Variants in EXOC6 observed in about 807,000 individuals in gnomAD.
The protein encoded by EXOC6 is SEC15-like 1.
EXOC6 carries 60 observed loss-of-function variants against 112.5 expected under a neutral mutation model. The observed-to-expected ratio is 0.53, with a 90% CI of 0.43 to 0.66. The LOEUF is 0.66. Ranked by LOEUF, EXOC6 falls within the 30% of genes least tolerant of loss-of-function variation. The pLI, the probability that EXOC6 is intolerant of heterozygous loss-of-function variation, is 0.00. For synonymous variants in EXOC6, 295 were observed against 308.0 expected (o/e 0.96, Z 0.44); for missense variants, 855 against 957.1 (o/e 0.89, Z 1.41).
At chr10:92,931,623 G>A (rs1230051076) in intron 9 of EXOC6, among the ~76,000 whole-genome samples, 4 of 150,608 alleles carry the variant, frequency 2.7e-5, no homozygotes, top group Non-Finnish European at 3.0e-5. Flanking sequence ...ATGGAGAATG[G>A]ACAAAAGATT....
intron 1 of EXOC6, among the ~76,000 whole-genome samples, chr10:92,869,949 C>CTTTTT (rs34082304): frequency 2.0e-5 from 2 of 100,014 alleles, no homozygotes; most frequent in African/African-American, 3.8e-5. Context: ...GGCTTGTGGG[C>CTTTTT]TTTTTTTTTT....
At chr10:92,930,999 C>A (rs1369535436) in intron 9 of EXOC6, among the ~76,000 whole-genome samples, 2 of 151,142 alleles carry the variant, frequency 1.3e-5, no homozygotes, top group Non-Finnish European at 2.9e-5. Context: ...GTAGTCCCAG[C>A]TACTAGGGAG....
At chr10:92,904,342 G>A (rs1188208710) in intron 5 of EXOC6, among the ~76,000 whole-genome samples, 1 of 152,002 alleles carries the variant, frequency 6.6e-6, no homozygotes, top group Non-Finnish European at 1.5e-5. Flanking sequence ...GGATCATATG[G>A]TAAGACTATG....
intron 1 of EXOC6, among the ~76,000 whole-genome samples, chr10:92,862,495 C>T (rs1321370360): frequency 6.6e-6 from 1 of 152,120 alleles, no homozygotes; most frequent in Non-Finnish European, 1.5e-5. Flanking sequence ...CTTGCCCCTT[C>T]CACCATGTGA....
At chr10:92,940,502 A>C (rs1161206237) in intron 12 of EXOC6, among the ~76,000 whole-genome samples, 1 of 152,168 alleles carries the variant, frequency 6.6e-6, no homozygotes, top group Non-Finnish European at 1.5e-5. Flanking sequence ...AAGAGAGAGA[A>C]GAAATGGAAA....
At chr10:92,875,884 AT>A (rs1408816653) in intron 1 of EXOC6, among the ~76,000 whole-genome samples, 1 of 152,036 alleles carries the variant, frequency 6.6e-6, no homozygotes, top group Non-Finnish European at 1.5e-5. Context: ...TAAAAATACA[AT>A]TTTTTGATTA....
At chr10:93,057,131 G>GA (rs1456860543) in intron 21 of EXOC6, 95 bp downstream of exon 21, 1 of 656,500 alleles carries the variant, frequency 1.5e-6, no homozygotes, top group East Asian at 3.0e-5. Context: ...AAAAAGAAAA[G>GA]TCTAGATGGA....
intron 19 of EXOC6, among the ~76,000 whole-genome samples, chr10:92,999,980 A>G (rs1473712694): frequency 1.3e-5 from 2 of 152,220 alleles, no homozygotes; most frequent in African/African-American, 4.8e-5. Flanking sequence ...CTGGGATTAC[A>G]GGCATGAACC....
intron 5 of EXOC6, among the ~76,000 whole-genome samples, chr10:92,907,812 A>G (rs1021835150): frequency 2.6e-5 from 4 of 152,138 alleles, no homozygotes; most frequent in African/African-American, 9.7e-5. Context: ...TATCTCAGGT[A>G]TTATCAAAAT....
intron 6 of EXOC6, among the ~76,000 whole-genome samples, chr10:92,914,713 G>T (rs1850987431): frequency 6.6e-6 from 1 of 152,152 alleles, no homozygotes; most frequent in African/African-American, 2.4e-5. Context: ...ACTGCAACTT[G>T]CATGGTCTGA....
intron 1 of EXOC6, among the ~76,000 whole-genome samples, chr10:92,877,533 A>G (rs1031841059): frequency 3.9e-5 from 6 of 152,188 alleles, no homozygotes; most frequent in Non-Finnish European, 7.3e-5. Flanking sequence ...AAGCACTAAT[A>G]CAGATGGAAA....
At chr10:92,907,484 G>A (rs1277804248) in intron 5 of EXOC6, among the ~76,000 whole-genome samples, 4 of 152,136 alleles carry the variant, frequency 2.6e-5, no homozygotes, top group Admixed American at 2.0e-4. Flanking sequence ...AGAGATGAGC[G>A]GCATGAAGGG....
chr10:93,059,236 C>T lies in EXOC6; in HGVS notation c.*881C>T, dbSNP rs1443501490. On this transcript the variant is annotated 3_prime_UTR_variant, in exon 22 of 22. Coordinates refer to ENST00000260762, the MANE Select transcript of EXOC6 (RefSeq NM_019053.6). ...CTTTATCCTCATTGTGGAAACAAGC[C>T]AAACCAAATGAACTCTGGAAAACCT... 1 of 152,140 alleles carries T rather than the reference C, an allele frequency of 6.6e-6. No individual in the cohort carries two copies. The highest frequency in any genetic ancestry group is 2.4e-5 in the African/African-American group (1 of 41,424). 9.4% of individuals were successfully genotyped at this position (152,140 alleles called of 1,614,324 possible).
intron 18 of EXOC6, among the ~76,000 whole-genome samples, chr10:92,976,044 G>C (rs1446092069): frequency 1.9e-5 from 1 of 52,814 alleles, no homozygotes; most frequent in Non-Finnish European, 3.2e-5. Context: ...CGGGAGGGAG[G>C]TGGGGGGGGG....
intron 1 of EXOC6, among the ~76,000 whole-genome samples, chr10:92,853,864 T>G (rs1847467458): frequency 1.3e-5 from 2 of 151,840 alleles, no homozygotes; most frequent in Admixed American, 1.3e-4. Flanking sequence ...GCATAATACA[T>G]AAGAGAAAAA....
intron 20 of EXOC6, among the ~76,000 whole-genome samples, chr10:93,047,911 A>ACT (rs1200214502): frequency 2.0e-5 from 3 of 152,180 alleles, no homozygotes; most frequent in Admixed American, 1.3e-4. Context: ...ACGCCACTGC[A>ACT]CTCCAGCCTG....
At chr10:92,860,500 A>T (rs905464545) in intron 1 of EXOC6, among the ~76,000 whole-genome samples, 4 of 151,998 alleles carry the variant, frequency 2.6e-5, no homozygotes, top group Non-Finnish European at 5.9e-5. Flanking sequence ...TGACCTCGTG[A>T]TCCACCCGCC....
intron 1 of EXOC6, among the ~76,000 whole-genome samples, chr10:92,865,461 C>T (rs1264914603): frequency 2.6e-5 from 4 of 152,036 alleles, no homozygotes; most frequent in Non-Finnish European, 5.9e-5. Context: ...GCTTTAACCC[C>T]ATGAGGTGGA....
At chr10:92,915,995 C>A in intron 7 of EXOC6, 82 bp downstream of exon 7, 1 of 995,398 alleles carries the variant, frequency 1.0e-6, no homozygotes, top group Non-Finnish European at 1.4e-6. Context: ...GTGATTTAGT[C>A]TTCCTGTATG....
Sources: gnomAD v4.1 joint callset for allele counts (sites outside exome capture counted in the v4.1 genomes callset) on GRCh38, gnomAD v4.1.1 for gene constraint, MANE v1.5 for transcripts, NCBI Gene and HGNC (gene_info 2026-07-23, HGNC 2026-07-21) for gene names.